CDIN1: variants seen among roughly 807,000 people sequenced by gnomAD.
CDIN1 encodes CDAN1-interacting nuclease 1.
Under a neutral mutation model 45.3 loss-of-function variants are expected in CDIN1, and 33 were observed. The ratio of observed to expected loss-of-function variants is 0.73; its 90% CI spans 0.55 to 0.97. CDIN1 has a LOEUF of 0.97. CDIN1 is among the 50% of genes least tolerant of loss of function. CDIN1 has a pLI of 0.00. For missense variants in CDIN1, 303 were observed against 339.4 expected, an observed-to-expected ratio of 0.89 and a Z score of 0.84; for synonymous variants, 118 against 124.4, an observed-to-expected ratio of 0.95 and a Z score of 0.34.
chr15:36,709,158 C>T (rs2042967704), intron 8 of CDIN1, 65 bp from the exon 9 acceptor site: 4 of 1,353,152 alleles, frequency 3.0e-6, no homozygotes, highest in Non-Finnish European at 4.0e-6. Flanking sequence ...GAAATAAAAA[C>T]AAATATATTC....
chr15:36,631,845 A>G (rs1337730636), intron 1 of CDIN1, among the ~76,000 whole-genome samples: 1 of 152,098 alleles, frequency 6.6e-6, no homozygotes, highest in Non-Finnish European at 1.5e-5. Flanking sequence ...TATTCATATT[A>G]TTTGAGACAG....
chr15:36,785,807 G>A (rs993086717), intron 10 of CDIN1, among the ~76,000 whole-genome samples: 3 of 152,180 alleles, frequency 2.0e-5, no homozygotes, highest in African/African-American at 7.2e-5. Flanking sequence ...GCTTGCCGAA[G>A]TTTAATTTAC....
At chr15:36,760,103 CTA>C (rs2053718610) in intron 10 of CDIN1, among the ~76,000 whole-genome samples, 1 of 152,158 alleles carries the variant, frequency 6.6e-6, no homozygotes, top group Non-Finnish European at 1.5e-5. Context: ...AAATATAGCT[CTA>C]TGTGACCCTT....
intron 5 of CDIN1, among the ~76,000 whole-genome samples, chr15:36,689,935 A>G (rs1054845687): frequency 1.3e-5 from 2 of 152,154 alleles, no homozygotes; most frequent in African/African-American, 2.4e-5. Context: ...AGTCAGCTTA[A>G]ATAATATTTT....
intron 10 of CDIN1, among the ~76,000 whole-genome samples, chr15:36,736,340 A>G (rs866705066): frequency 6.6e-6 from 1 of 152,094 alleles, no homozygotes; most frequent in Non-Finnish European, 1.5e-5. Context: ...TTTACACTCT[A>G]CAGCTACTGA....
chr15:36,755,824 T>A (rs532126774), intron 10 of CDIN1: 4 of 209,438 alleles, frequency 1.9e-5, no homozygotes, highest in African/African-American at 9.3e-5. Flanking sequence ...ACGCTACAGA[T>A]GTTGAATCTT....
At chr15:36,701,280 T>C (rs764229810) in intron 8 of CDIN1, among the ~76,000 whole-genome samples, 1 of 152,096 alleles carries the variant, frequency 6.6e-6, no homozygotes, top group Admixed American at 6.6e-5. Flanking sequence ...AGCATTGTGA[T>C]CATCCCATTA....
chr15:36,628,683 G>A (rs1225093320), intron 1 of CDIN1, among the ~76,000 whole-genome samples: 1 of 152,138 alleles, frequency 6.6e-6, no homozygotes, highest in Non-Finnish European at 1.5e-5. Flanking sequence ...AATGTATCTG[G>A]CATGTGGGTC....
chr15:36,691,734 A>G lies in CDIN1; in HGVS notation c.396A>G (p.Pro132=). Residue 132 remains proline, a synonymous_variant, in exon 6 of 11, where the codon CCA becomes CCG. Coordinates refer to ENST00000566621, the MANE Select transcript of CDIN1 (RefSeq NM_001321759.2). ...TGCTACGGGACCCTTCTCAGATTCC[A>G]GATGGAGTTCTAGCAAATCAGGTCT... is the stretch of plus-strand genomic sequence containing the variant. ...NSMLRDPSQI[P]DGVLANQVYQ... is the part of the protein sequence containing the mutation. The G allele has an allele frequency of 6.2e-7, 1 of 1,603,432 alleles. No homozygotes were observed.
At chr15:36,755,998 A>G in intron 10 of CDIN1, 1 of 452,780 alleles carries the variant, frequency 2.2e-6, no homozygotes, top group African/African-American at 2.0e-5. Context: ...CACACTTACC[A>G]GGTCTTTATC....
intron 1 of CDIN1, among the ~76,000 whole-genome samples, chr15:36,623,952 T>C (rs192675361): frequency 3.3e-5 from 5 of 152,298 alleles, no homozygotes; most frequent in Admixed American, 3.3e-4. Flanking sequence ...TCCCTTAGTT[T>C]CTTAAGAAAA....
rs1317197860 is a variant in CDIN1, at chr15:36,686,073, T to G, written c.347-5612T>G. ...TCCCATTACTGGGTATATACCCAAA[T>G]GACTATAAATCATGCTGCTATAAAG... On this transcript the variant is annotated intron_variant, in intron 5 of 10. Coordinates refer to ENST00000566621, the MANE Select transcript of CDIN1 (RefSeq NM_001321759.2). Among the ~76,000 whole-genome samples, 10 of 151,668 alleles carry G rather than the reference T, an allele frequency of 6.6e-5. No individual in the cohort carries two copies. The East Asian group carries it at 7.8e-4, about 12-fold the overall frequency.
rs1190263203 is a variant in CDIN1 at position 36,810,139 on chromosome 15, G to T, written c.*1686G>T. 4 of 152,058 alleles carry T rather than the reference G, an allele frequency of 2.6e-5. 1 individual carries two copies. Among genetic ancestry groups the T allele is most frequent in the African/African-American group, 9.7e-5 (4 of 41,418 alleles). The allele number at this position is 152,058 out of a possible 1,614,324, so 9.4% of individuals were successfully genotyped here. On this transcript the variant is annotated 3_prime_UTR_variant, in exon 11 of 11. Transcript: ENST00000566621. The stretch of plus-strand genomic sequence containing the variant: ...CTTTAGGAATAAATTACATTTATCT[G>T]CACAGATGTTGAAAATCCTGTTAAA...
intron 10 of CDIN1, among the ~76,000 whole-genome samples, chr15:36,760,573 T>G (rs56319779): frequency 0.15 from 22,389 of 152,144 alleles, 1,899 homozygotes; most frequent in African/African-American, 0.22. Flanking sequence ...TATGTGTTGT[T>G]CTTCAAAAAG....
intron 10 of CDIN1, among the ~76,000 whole-genome samples, chr15:36,753,170 A>G (rs1332656418): frequency 1.3e-5 from 2 of 152,170 alleles, no homozygotes; most frequent in Non-Finnish European, 2.9e-5. Context: ...TCAGCAATTG[A>G]ACAACAGTAT....
At chr15:36,610,039 C>A (rs1355308261) in intron 1 of CDIN1, among the ~76,000 whole-genome samples, 2 of 152,162 alleles carry the variant, frequency 1.3e-5, no homozygotes, top group East Asian at 3.9e-4. Context: ...CTTAGGAGCT[C>A]CTCTGGTTGA....
chr15:36,705,730 G>A (rs2042839386), intron 8 of CDIN1: 1 of 152,082 alleles, frequency 6.6e-6, no homozygotes, highest in South Asian at 2.1e-4. Context: ...CTTGAACTAT[G>A]ACATTAATGA....
Position 36,739,410 on chromosome 15 carries a change from G to GCAAAACAAAA in CDIN1, c.716+29475_716+29484dup, listed in dbSNP as rs139738188. ...ATAGAGTGAAAGCCTGTCTCTAAAT[G>GCAAAACAAAA]CAAAACAAAACAAAACAAAACAAAA... is the stretch of plus-strand genomic sequence containing the variant. On this transcript the variant is annotated intron_variant, in intron 10 of 10. Transcript: ENST00000566621. Among the ~76,000 whole-genome samples the GCAAAACAAAA allele has an allele frequency of 1.7e-3, 251 of 151,062 alleles. 1 individual carries two copies. The highest frequency in any genetic ancestry group is 1.8e-3 in the Non-Finnish European group (120 of 67,744).
chr15:36,722,103 T>A (rs2043442165), intron 10 of CDIN1, among the ~76,000 whole-genome samples: 1 of 152,210 alleles, frequency 6.6e-6, no homozygotes, highest in African/African-American at 2.4e-5. Context: ...TAGTCTTTGT[T>A]ACCCTAACTT....
Sources: allele counts gnomAD v4.1 joint callset (sites outside exome capture counted in the v4.1 genomes callset), GRCh38; gene constraint gnomAD v4.1.1; transcripts MANE v1.5; gene names NCBI Gene and HGNC (gene_info 2026-07-23, HGNC 2026-07-21).